Variants in PRKCG observed in about 807,000 individuals in gnomAD.
PRKCG encodes protein kinase C gamma type.
In PRKCG, 28 loss-of-function variants were observed where a neutral mutation model predicts 82.0. That is an observed-to-expected ratio of 0.34 (90% CI 0.25 to 0.47). PRKCG has a LOEUF of 0.47. PRKCG is among the 20% of genes least tolerant of loss of function. The pLI, the probability that PRKCG is intolerant of heterozygous loss-of-function variation, is 1.00. For synonymous variants in PRKCG, 383 were observed against 376.6 expected (o/e 1.02, Z -0.20); for missense variants, 640 against 952.7 (o/e 0.67, Z 4.32).
Position 53,889,578 on chromosome 19 carries a change from C to A in PRKCG, c.286-60C>A. 2 of 1,301,438 alleles carry A rather than the reference C, an allele frequency of 1.5e-6. No individual in the cohort carries two copies. Among genetic ancestry groups the A allele is most frequent in the East Asian group, 2.4e-5 (1 of 42,092 alleles). The allele number at this position is 1,301,438 out of a possible 1,614,324, so 80.6% of individuals were successfully genotyped here. On this transcript the variant is annotated intron_variant, in intron 3 of 17. Transcript: ENST00000263431. The surrounding 1 kb of genome is among the most constrained non-coding windows in gnomAD (Gnocchi z 4.4). ...GGCAGGAGGAAAAGATAAAAGGGCC[C>A]CTCCCCTGGGGTTTTAGGACCCTCC...
chr19:53,905,702 C>T (rs1218591636), intron 16 of PRKCG, among the ~76,000 whole-genome samples: 3 of 127,732 alleles, frequency 2.3e-5, no homozygotes, highest in African/African-American at 3.0e-5. Context: ...CTCCCCCTAC[C>T]GACCTCCCTC....
chr19:53,890,145 A>C, intron 5 of PRKCG, 128 bp downstream of exon 5: 2 of 1,050,564 alleles, frequency 1.9e-6, no homozygotes, highest in South Asian at 2.8e-5. Flanking sequence ...GGTCACGCCC[A>C]CACTCCTGAC....
chr19:53,891,443 AT>A (rs11378432), intron 5 of PRKCG, among the ~76,000 whole-genome samples: 431 of 142,056 alleles, frequency 3.0e-3, no homozygotes, highest in Non-Finnish European at 3.7e-3. Context: ...CGCCCAGCTA[AT>A]TTTTTTTTTT....
intron 11 of PRKCG, among the ~76,000 whole-genome samples, chr19:53,899,574 A>G (rs1294480635): frequency 6.6e-6 from 1 of 151,622 alleles, no homozygotes; most frequent in Non-Finnish European, 1.5e-5. Flanking sequence ...AAATATATGT[A>G]TGAGCAACTT....
chr19:53,893,151 C>A, intron 8 of PRKCG, 76 bp downstream of exon 8: 1 of 1,383,068 alleles, frequency 7.2e-7, no homozygotes, highest in Non-Finnish European at 1.0e-6. Flanking sequence ...CCTTCCACCC[C>A]TGAGTGCCCG....
chr19:53,889,849 C>A lies in PRKCG; in HGVS notation c.398-37C>A. The A allele has an allele frequency of 6.5e-7, 1 of 1,547,282 alleles. No individual in the cohort carries two copies. The highest frequency in any genetic ancestry group is 8.7e-7 in the Non-Finnish European group (1 of 1,146,962). On this transcript the variant is annotated intron_variant, in intron 4 of 17. Transcript: ENST00000263431. The surrounding 1 kb of genome is among the most constrained non-coding windows in gnomAD (Gnocchi z 4.4). ...GGGGGGTGGAGTCTTGGCTTGGGGG[C>A]GGGGCCTGAGGTGCTACCCGCAGCT...
At position 53,892,360 on chromosome 19, in the gene PRKCG, C is replaced by A; in HGVS notation, c.687-149C>A. On this transcript the variant is annotated intron_variant, in intron 6 of 17. Transcript: ENST00000263431. This position sits in a 1 kb window ranked among gnomAD's most constrained non-coding sequence, Gnocchi z 5.9. Reference sequence around the variant, plus strand: ...CCAAAGCCCTAGCTGGAGAGAGAGCCCGGCTGGGAAGGTCAGAGGTCGGAG... The same window carrying A: ...CCAAAGCCCTAGCTGGAGAGAGAGCACGGCTGGGAAGGTCAGAGGTCGGAG... The A allele has an allele frequency of 8.2e-7, 1 of 1,218,066 alleles. No individual in the cohort carries two copies. The highest frequency in any genetic ancestry group is 1.1e-6 in the Non-Finnish European group (1 of 878,724). The allele number at this position is 1,218,066 out of a possible 1,614,324, so 75.5% of individuals were successfully genotyped here.
rs1329152345 is a variant in PRKCG, at chr19:53,898,015, C to G, written c.996C>G (p.Thr332=). 2 of 1,614,124 alleles carry G rather than the reference C, an allele frequency of 1.2e-6. No homozygotes were observed. Among genetic ancestry groups the G allele is most frequent in the South Asian group, 1.1e-5 (1 of 91,084 alleles). Residue 332 remains threonine, a synonymous_variant, in exon 10 of 18, where the codon ACC becomes ACG. Coordinates refer to ENST00000263431, the MANE Select transcript of PRKCG (RefSeq NM_002739.5). ...SPIPSPSPSP[T]DPKRCFFGAS... The stretch of plus-strand genomic sequence containing the variant: ...TCCCCTCCCCTTCCCCTAGTCCCAC[C>G]GACCCCAAGCGCTGCTTCTTCGGGG...
At position 53,893,003 on chromosome 19, in the gene PRKCG, C is replaced by G. The variant is rs1266229799; in HGVS notation, c.837C>G (p.Asn279Lys). 6.2e-7 allele frequency: 1 copy of G among 1,613,964 alleles called. No individual in the cohort carries two copies. The highest frequency in any genetic ancestry group is 1.3e-5 in the African/African-American group (1 of 74,928). ...APVDGWYKLL[N>K]QEEGEYYNVP... ...TGTATGTCAGGTACAAGTTACTGAA[C>G]CAGGAGGAGGGCGAGTATTACAATG... is the stretch of plus-strand genomic sequence containing the variant. Residue 279 changes from asparagine to lysine, a missense_variant, in exon 8 of 18, where the codon AAC becomes AAG. Physicochemically the swap from Asn to Lys is moderately conservative, Grantham distance 94. Transcript: ENST00000263431.
intron 9 of PRKCG, among the ~76,000 whole-genome samples, chr19:53,894,907 A>G (rs767079284): frequency 6.6e-6 from 1 of 152,214 alleles, no homozygotes; most frequent in Non-Finnish European, 1.5e-5. Context: ...TAATGGAGAC[A>G]GCCTCAGGCA....
chr19:53,884,088 T>G lies in PRKCG; in HGVS notation c.203-73T>G. 6.8e-7 allele frequency: 1 copy of G among 1,469,292 alleles called. No homozygotes were observed. The highest frequency in any genetic ancestry group is 9.5e-7 in the Non-Finnish European group (1 of 1,051,096). The allele number at this position is 1,469,292 out of a possible 1,614,324, so 91.0% of individuals were successfully genotyped here. A position where few individuals can be genotyped will look rare whatever the true frequency, so the allele number is the denominator to read the frequency against. ...TCCGAGTTCCGCTCTCTCTTTCCAA[T>G]TTTCTGTCTGCTGGGGTCTCCCGCT... On this transcript the variant is annotated intron_variant, in intron 2 of 17. Coordinates refer to ENST00000263431, the MANE Select transcript of PRKCG (RefSeq NM_002739.5). The surrounding 1 kb of genome is among the most constrained non-coding windows in gnomAD (Gnocchi z 4.6).
At position 53,894,152 on chromosome 19, in the gene PRKCG, G is replaced by A. The variant is rs28827552; in HGVS notation, c.939+761G>A. Among the ~76,000 whole-genome samples, 593 of 151,930 alleles carry A rather than the reference G, an allele frequency of 3.9e-3. 3 individuals carry two copies. The highest frequency in any genetic ancestry group is 0.014 in the African/African-American group (561 of 41,422). On this transcript the variant is annotated intron_variant, in intron 9 of 17. Coordinates refer to ENST00000263431, the MANE Select transcript of PRKCG (RefSeq NM_002739.5). The stretch of plus-strand genomic sequence containing the variant: ...GCGATCTCGGCTCACTGCAAGCTCC[G>A]CCTCCTGGGTTCACGCCATTCTCCT...
Position 53,897,992 on chromosome 19 carries a change from C to G in PRKCG, c.973C>G (p.Pro325Ala), listed in dbSNP as rs753396301. The G allele has an allele frequency of 1.1e-5, 17 of 1,614,078 alleles. No individual in the cohort carries two copies. The highest frequency in any genetic ancestry group is 1.4e-5 in the Non-Finnish European group (17 of 1,180,000). ...VRMGPSSSPI[P>A]SPSPSPTDPK... ...GATGGGCCCCTCTTCCTCTCCCATC[C>G]CCTCCCCTTCCCCTAGTCCCACCGA... The change falls in exon 10 of 18, where the codon CCC becomes GCC. Residue 325 changes from proline (P) to alanine (A), a missense_variant. Pro to Ala is a conservative substitution (Grantham distance 27, BLOSUM62 -1). Coordinates refer to ENST00000263431, the MANE Select transcript of PRKCG (RefSeq NM_002739.5).
intron 14 of PRKCG, among the ~76,000 whole-genome samples, chr19:53,901,736 G>A (rs998868202): frequency 6.6e-6 from 1 of 150,566 alleles, no homozygotes; most frequent in Non-Finnish European, 1.5e-5. Context: ...TGTAGTCCCA[G>A]CTACTTGGGA....
chr19:53,898,203 C>T (rs2068731770), intron 10 of PRKCG, 92 bp downstream of exon 10: 1 of 1,525,130 alleles, frequency 6.6e-7, no homozygotes, highest in African/African-American at 1.4e-5. Context: ...TGGGAAGAGA[C>T]TGGGCTCCTG....
Position 53,883,053 on chromosome 19 carries a change from C to A in PRKCG, c.171-110C>A, listed in dbSNP as rs1599937448. On this transcript the variant is annotated intron_variant, in intron 1 of 17. Coordinates refer to ENST00000263431, the MANE Select transcript of PRKCG (RefSeq NM_002739.5). The surrounding 1 kb of genome is among the most constrained non-coding windows in gnomAD (Gnocchi z 5.4). Reference sequence around the variant, plus strand: ...AGAGGAGGTGGCCGGGGCTTGGACACCTGGGCCCTGCGGGAGGAGGGTCAG... The same window carrying A: ...AGAGGAGGTGGCCGGGGCTTGGACAACTGGGCCCTGCGGGAGGAGGGTCAG... 5 of 1,423,604 alleles carry A rather than the reference C, an allele frequency of 3.5e-6. 1 individual carries two copies. In the South Asian group the frequency reaches 4.6e-5, roughly 13 times the overall value. The allele number at this position is 1,423,604 out of a possible 1,614,324, so 88.2% of individuals were successfully genotyped here.
At chr19:53,893,708 G>A (rs1471814977) in intron 9 of PRKCG, among the ~76,000 whole-genome samples, 2 of 152,130 alleles carry the variant, frequency 1.3e-5, no homozygotes, top group African/African-American at 4.8e-5. Context: ...GGACTTCCCT[G>A]AGGAGGTGAC....
chr19:53,893,021 T>C lies in PRKCG; in HGVS notation c.855T>C (p.Tyr285=). Reference sequence around the variant, plus strand: ...TACTGAACCAGGAGGAGGGCGAGTATTACAATGTGCCGGTGGCCGATGCTG... The same window carrying C: ...TACTGAACCAGGAGGAGGGCGAGTACTACAATGTGCCGGTGGCCGATGCTG... The part of the protein sequence containing the change: ...YKLLNQEEGE[Y]YNVPVADADN... The change falls in exon 8 of 18, where the codon TAT becomes TAC. Residue 285 remains tyrosine (Y), a synonymous_variant. Transcript: ENST00000263431. 2 of 1,614,082 alleles carry C rather than the reference T, an allele frequency of 1.2e-6. No individual in the cohort carries two copies. Among genetic ancestry groups the C allele is most frequent in the East Asian group, 2.2e-5 (1 of 44,846 alleles).
At chr19:53,890,549 G>A (rs994597819) in intron 5 of PRKCG, among the ~76,000 whole-genome samples, 3 of 151,654 alleles carry the variant, frequency 2.0e-5, no homozygotes, top group Non-Finnish European at 4.4e-5. Context: ...GTGAGCCACC[G>A]CGCCTGGCCA....
Sources: gnomAD v4.1 joint callset for allele counts (sites outside exome capture counted in the v4.1 genomes callset) on GRCh38, gnomAD v4.1.1 for gene constraint, Gnocchi (gnomAD v3.1) non-coding constraint, MANE v1.5 for transcripts, NCBI Gene and HGNC (gene_info 2026-07-23, HGNC 2026-07-21) for gene names.